The following USP38 variants were observed in gnomAD, a reference collection of about 807,000 sequenced individuals.
USP38 encodes ubiquitin specific peptidase 38, also known as ubiquitin carboxyl-terminal hydrolase 38.
In USP38, 49 loss-of-function variants were observed where a neutral mutation model predicts 94.3. That is an observed-to-expected ratio of 0.52 (90% CI 0.41 to 0.66). The LOEUF (loss-of-function observed/expected upper bound fraction) is 0.66. Ranked by LOEUF, USP38 falls within the 30% of genes least tolerant of loss-of-function variation. USP38 has a pLI of 0.00. For missense variants in USP38, 1,128 were observed against 1,229.4 expected, an observed-to-expected ratio of 0.92 and a Z score of 1.23; for synonymous variants, 468 against 463.6, an observed-to-expected ratio of 1.01 and a Z score of -0.12.
At chr4:143,210,327 G>A (rs772164078) in intron 7 of USP38, among the ~76,000 whole-genome samples, 9 of 152,142 alleles carry the variant, frequency 5.9e-5, no homozygotes, top group Non-Finnish European at 7.4e-5. Context: ...AGTGGCTCAC[G>A]CCTGTAATCC....
chr4:143,189,354 T>C (rs1204126535), intron 2 of USP38, among the ~76,000 whole-genome samples: 1 of 152,084 alleles, frequency 6.6e-6, no homozygotes, highest in African/African-American at 2.4e-5. Context: ...CCTGTTTTTG[T>C]TTTTTAATTC....
At chr4:143,201,615 G>A (rs1731716470) in intron 4 of USP38, among the ~76,000 whole-genome samples, 2 of 151,992 alleles carry the variant, frequency 1.3e-5, no homozygotes, top group Non-Finnish European at 2.9e-5. Flanking sequence ...GAATATCTTA[G>A]GGCAAGCCAA....
chr4:143,206,349 G>A (rs1581164160), intron 6 of USP38, 123 bp downstream of exon 6: 1 of 830,160 alleles, frequency 1.2e-6, no homozygotes, highest in East Asian at 3.0e-5. Context: ...AACTTTGATT[G>A]CCTTATTCAG....
intron 2 of USP38, among the ~76,000 whole-genome samples, chr4:143,188,212 G>C (rs920858260): frequency 9.2e-5 from 14 of 151,862 alleles, no homozygotes; most frequent in Non-Finnish European, 4.4e-5. Flanking sequence ...TATACACTCA[G>C]ATGTTGATTG....
rs941286487 is a variant in USP38 at position 143,220,964 on chromosome 4, A to C, written c.*508A>C. Reference sequence around the variant, plus strand: ...AAGAAGGCAATAACAAAATTTATCAAGATATAGTACTTTTCAGTTTTTGTT... The same window carrying C: ...AAGAAGGCAATAACAAAATTTATCACGATATAGTACTTTTCAGTTTTTGTT... On this transcript the variant is annotated 3_prime_UTR_variant, in exon 10 of 10. Transcript: ENST00000307017. 6.6e-6 allele frequency: 1 copy of C among 152,432 alleles called. No homozygotes were observed. The highest frequency in any genetic ancestry group is 1.5e-5 in the Non-Finnish European group (1 of 68,056). The allele number at this position is 152,432 out of a possible 1,614,324, so 9.4% of individuals were successfully genotyped here.
At chr4:143,198,839 A>G (rs1337574258) in intron 4 of USP38, among the ~76,000 whole-genome samples, 1 of 152,154 alleles carries the variant, frequency 6.6e-6, no homozygotes, top group Non-Finnish European at 1.5e-5. Context: ...GTAACCTTAT[A>G]TATATGTATA....
In USP38 at chr4:143,220,295, G is replaced by T; in HGVS notation, c.2968G>T (p.Glu990Ter). ...ITKDNKLYLQ[E>*]QELNARARAL... ...TCATAAAAGTTATTTTTAATTTTAG[G>T]AACAAGAGTTGAATGCTCGAGCCCG... The change falls in exon 10 of 10, where the codon GAA (glutamate) becomes TAA (stop). Residue 990 changes from glutamate (E) to a stop codon, truncating the protein, a stop_gained and splice_region_variant. Coordinates refer to ENST00000307017, the MANE Select transcript of USP38 (RefSeq NM_032557.6). LOFTEE classifies it high-confidence loss of function. 1 of 1,604,596 alleles carries T rather than the reference G, an allele frequency of 6.2e-7. No individual in the cohort carries two copies. The highest frequency in any genetic ancestry group is 1.1e-5 in the South Asian group (1 of 89,738).
chr4:143,187,753 TGTAAAGTGTTG>T, intron 1 of USP38, 62 bp from the exon 2 acceptor site: 4 of 1,475,520 alleles, frequency 2.7e-6, no homozygotes, highest in Admixed American at 2.6e-5. Context: ...TTTTTTTTTT[TGTAAAGTGTTG>T]TTCTTTTTAA....
In USP38 at chr4:143,213,827, G is replaced by C. The variant is rs143503547; in HGVS notation, c.1851G>C (p.Ser617=). 1.9e-4 allele frequency: 305 copies of C among 1,613,758 alleles called. No individual in the cohort carries two copies. The East Asian group carries it at 4.6e-3, about 24-fold the overall frequency. Reference sequence around the variant, plus strand: ...AAGTGGAAGCCTTTACAGATCTTTCGCTTGCCTTTTGTCCTTCCTCTTCTT... The same window carrying C: ...AAGTGGAAGCCTTTACAGATCTTTCCCTTGCCTTTTGTCCTTCCTCTTCTT... ...SQKVEAFTDL[S]LAFCPSSSLE... The change falls in exon 9 of 10, where the codon TCG becomes TCC. Residue 617 remains serine (S), a synonymous_variant. Transcript: ENST00000307017.
chr4:143,211,137 G>A (rs914401588), intron 7 of USP38, among the ~76,000 whole-genome samples: 1 of 151,612 alleles, frequency 6.6e-6, no homozygotes, highest in South Asian at 2.1e-4. Context: ...AGAGCTATTA[G>A]GAAAAAAAAT....
Position 143,214,298 on chromosome 4 carries a change from T to G in USP38, c.2322T>G (p.Tyr774Ter). 1.9e-6 allele frequency: 3 copies of G among 1,612,948 alleles called. No individual in the cohort carries two copies. Among genetic ancestry groups the G allele is most frequent in the Non-Finnish European group, 2.5e-6 (3 of 1,179,630 alleles). ...TGAGATTTTCATATGATCAGAAGTA[T>G]CATGTGAGAAGGAAAATTTTAGACA... ...TLLRFSYDQK[Y>*]HVRRKILDNV... Residue 774 changes from tyrosine (Y) to a stop codon, truncating the protein, a stop_gained, in exon 9 of 10, where the codon TAT becomes TAG. Coordinates refer to ENST00000307017, the MANE Select transcript of USP38 (RefSeq NM_032557.6). LOFTEE classifies it high-confidence loss of function.
At chr4:143,194,719 G>A (rs1731496337) in intron 2 of USP38, among the ~76,000 whole-genome samples, 1 of 152,162 alleles carries the variant, frequency 6.6e-6, no homozygotes, top group Non-Finnish European at 1.5e-5. Flanking sequence ...TGTTGGCCAG[G>A]CTGGTCTCGA....
Position 143,185,622 on chromosome 4 carries a change from C to A in USP38, c.172C>A (p.Arg58=), listed in dbSNP as rs190066644. ...CCTGGAGGGCCAGGACCCTTTCCAG[C>A]GGCAGGTGGGGCACCAGGTGCTGGA... ...LILEGQDPFQ[R]QVGHQVLEAY... is the part of the protein sequence containing the mutation. Residue 58 remains arginine (R), a synonymous_variant, in exon 1 of 10, where the codon CGG becomes AGG. Transcript: ENST00000307017. The A allele has an allele frequency of 2.0e-4, 327 of 1,614,124 alleles. 1 individual carries two copies. The East Asian group carries it at 6.8e-3, about 33-fold the overall frequency.
In USP38 at chr4:143,222,210, A is replaced by G. The variant is rs1204682442; in HGVS notation, c.*1754A>G. 6.6e-6 allele frequency: 1 copy of G among 152,068 alleles called. No individual in the cohort carries two copies. Among genetic ancestry groups the G allele is most frequent in the Non-Finnish European group, 1.5e-5 (1 of 67,962 alleles). 9.4% of individuals were successfully genotyped at this position (152,068 alleles called of 1,614,324 possible). On this transcript the variant is annotated 3_prime_UTR_variant, in exon 10 of 10. Transcript: ENST00000307017. ...TATACTTGTGCAGCTTTATCTATGA[A>G]TATCAGGTCTCTCAAGGATTTTATG...
In USP38 at chr4:143,197,743, C is replaced by T. The variant is rs1731592934; in HGVS notation, c.949-80C>T. On this transcript the variant is annotated intron_variant, in intron 3 of 9. Transcript: ENST00000307017. ...AGGGGGACATTCATATAAATAAATT[C>T]TAGCTCTAGGAAAATAACCACTGTT... The T allele has an allele frequency of 4.2e-6, 4 of 942,580 alleles. No homozygotes were observed. The Admixed American group carries it at 6.3e-5, about 15-fold the overall frequency. 58.4% of individuals were successfully genotyped at this position (942,580 alleles called of 1,614,324 possible).
In USP38 at chr4:143,209,958, A is replaced by G. The variant is rs1356552812; in HGVS notation, c.1497+301A>G. On this transcript the variant is annotated intron_variant, in intron 7 of 9. Coordinates refer to ENST00000307017, the MANE Select transcript of USP38 (RefSeq NM_032557.6). ...GAAAATATGATTTCCTATCCAATAA[A>G]TAAGTTCCTTCATGAAGAATTATTT... Among the ~76,000 whole-genome samples the G allele has an allele frequency of 2.0e-5, 3 of 152,334 alleles. No homozygotes were observed. In the South Asian group the frequency reaches 6.2e-4, roughly 32 times the overall value.
chr4:143,216,861 A>G (rs1356142640), intron 9 of USP38, among the ~76,000 whole-genome samples: 2 of 152,062 alleles, frequency 1.3e-5, no homozygotes, highest in African/African-American at 4.8e-5. Flanking sequence ...CCCAGGCTGG[A>G]GTGCAGTGGT....
At chr4:143,190,624 C>T (rs924862793) in intron 2 of USP38, among the ~76,000 whole-genome samples, 4 of 152,040 alleles carry the variant, frequency 2.6e-5, no homozygotes, top group Admixed American at 2.6e-4. Context: ...ATTTTCAAAT[C>T]CATCCTTTCA....
chr4:143,216,228 ATTATT>A (rs1235484128), intron 9 of USP38, among the ~76,000 whole-genome samples: 10 of 152,064 alleles, frequency 6.6e-5, no homozygotes, highest in Non-Finnish European at 7.4e-5. Flanking sequence ...TCTTTTCATT[ATTATT>A]TTAAGACTCG....
Sources: allele counts gnomAD v4.1 joint callset (sites outside exome capture counted in the v4.1 genomes callset), GRCh38; gene constraint gnomAD v4.1.1; transcripts MANE v1.5; gene names NCBI Gene and HGNC (gene_info 2026-07-23, HGNC 2026-07-21).